Variants in ANKRD31 observed in about 807,000 individuals in gnomAD.
The protein encoded by ANKRD31 is ankyrin repeat domain 31.
A neutral mutation model predicts 186.0 loss-of-function variants in ANKRD31; 147 were observed. That is an observed-to-expected ratio of 0.79 (90% CI 0.69 to 0.91). The LOEUF (loss-of-function observed/expected upper bound fraction) is 0.91, where lower values mean the gene tolerates loss of function less well. Among genes scored for constraint, ANKRD31 ranks in the 40% least tolerant of loss-of-function variants. The probability of loss-of-function intolerance (pLI) is 0.00; values close to 1 mark genes in which losing one functional copy is unlikely to be tolerated. For synonymous variants in ANKRD31, 673 were observed against 736.4 expected, an observed-to-expected ratio of 0.91 and a Z score of 1.39; for missense variants, 1,986 against 2,148.8, an observed-to-expected ratio of 0.92 and a Z score of 1.50.
intron 15 of ANKRD31, 93 bp downstream of exon 15, chr5:75,143,908 A>G (rs1210250607): frequency 2.5e-6 from 1 of 394,278 alleles, no homozygotes; most frequent in East Asian, 3.6e-5. Flanking sequence ...AAAAGAAACA[A>G]TATATCTGAA....
chr5:75,071,499 T>C (rs899816074), intron 25 of ANKRD31, among the ~76,000 whole-genome samples: 1 of 147,064 alleles, frequency 6.8e-6, no homozygotes, highest in African/African-American at 2.5e-5. Context: ...GCTGTTTTGT[T>C]TTTTTTTTTT....
intron 6 of ANKRD31, 150 bp from the exon 7 acceptor site, chr5:75,196,350 A>T: frequency 5.0e-6 from 3 of 596,668 alleles, no homozygotes; most frequent in Non-Finnish European, 7.8e-6. Context: ...TAAAGGGAAT[A>T]CTCTTTATTG....
chr5:75,090,855 A>T (rs990139151), intron 23 of ANKRD31, among the ~76,000 whole-genome samples: 3 of 152,182 alleles, frequency 2.0e-5, no homozygotes, highest in Non-Finnish European at 4.4e-5. Flanking sequence ...TATTTAGGAG[A>T]TTTTGCTTTA....
intron 10 of ANKRD31, among the ~76,000 whole-genome samples, chr5:75,176,618 A>G (rs1471582143): frequency 6.6e-6 from 1 of 152,188 alleles, no homozygotes; most frequent in East Asian, 1.9e-4. Flanking sequence ...TACCCAGACA[A>G]GCAGGGTCTG....
chr5:75,144,660 A>C (rs1447480571), intron 14 of ANKRD31, among the ~76,000 whole-genome samples: 1 of 152,156 alleles, frequency 6.6e-6, no homozygotes, highest in East Asian at 1.9e-4. Flanking sequence ...AAACCTAGGC[A>C]ATACCATTCA....
intron 3 of ANKRD31, among the ~76,000 whole-genome samples, chr5:75,212,342 G>A (rs1386913860): frequency 6.6e-6 from 1 of 152,164 alleles, no homozygotes; most frequent in East Asian, 1.9e-4. Flanking sequence ...GCAGGGCACA[G>A]TGGGTCACAC....
chr5:75,077,295 C>T (rs1744722745), intron 25 of ANKRD31, among the ~76,000 whole-genome samples: 1 of 152,046 alleles, frequency 6.6e-6, no homozygotes, highest in South Asian at 2.1e-4. Context: ...GGTCTCAAAC[C>T]CCTGGCCCCA....
intron 10 of ANKRD31, among the ~76,000 whole-genome samples, chr5:75,178,114 A>T (rs1340883289): frequency 6.6e-6 from 1 of 152,208 alleles, no homozygotes; most frequent in Admixed American, 6.5e-5. Context: ...CTTTAAACCA[A>T]CAAAGATCAA....
chr5:75,131,547 G>A (rs1220201770), intron 17 of ANKRD31, among the ~76,000 whole-genome samples: 1 of 152,204 alleles, frequency 6.6e-6, no homozygotes, highest in African/African-American at 2.4e-5. Flanking sequence ...ACAGCTCAAG[G>A]AAGGCTGCCT....
rs183680767 is a variant in ANKRD31, at chr5:75,234,662, T to G, written c.104+1921A>C. On this transcript the variant is annotated intron_variant, in intron 1 of 25. Transcript: ENST00000506364. ...CAGAGATATTTTCTAAGTGTATATA[T>G]GTTGGAAGACAGAGGTAACACTATT... 5.9e-4 allele frequency among the ~76,000 whole-genome samples: 90 copies of G among 152,366 alleles called. 1 individual carries two copies. The highest frequency in any genetic ancestry group is 2.1e-3 in the African/African-American group (86 of 41,584).
At chr5:75,223,362 T>C (rs1757421435) in intron 2 of ANKRD31, among the ~76,000 whole-genome samples, 1 of 152,192 alleles carries the variant, frequency 6.6e-6, no homozygotes, top group Non-Finnish European at 1.5e-5. Flanking sequence ...TCAATATGCA[T>C]AGAAAGTACA....
At chr5:75,145,001 T>A (rs1561473311) in intron 14 of ANKRD31, among the ~76,000 whole-genome samples, 1 of 152,158 alleles carries the variant, frequency 6.6e-6, no homozygotes, top group Non-Finnish European at 1.5e-5. Flanking sequence ...TCATCATCAC[T>A]GGTCATTAGA....
chr5:75,114,996 G>A (rs1295829852), intron 19 of ANKRD31, among the ~76,000 whole-genome samples: 4 of 152,160 alleles, frequency 2.6e-5, no homozygotes, highest in Admixed American at 6.5e-5. Context: ...CACACTACCT[G>A]ACTTCAAACT....
At chr5:75,172,723 C>A (rs1175419747) in intron 10 of ANKRD31, among the ~76,000 whole-genome samples, 1 of 152,020 alleles carries the variant, frequency 6.6e-6, no homozygotes, top group African/African-American at 2.4e-5. Context: ...CAATAACAGG[C>A]TCTGAAACTG....
chr5:75,159,992 A>G (rs1047722468), intron 11 of ANKRD31, among the ~76,000 whole-genome samples: 1 of 152,124 alleles, frequency 6.6e-6, no homozygotes, highest in Admixed American at 6.5e-5. Flanking sequence ...TAAAACAATG[A>G]TACCAGTTGG....
intron 20 of ANKRD31, among the ~76,000 whole-genome samples, chr5:75,112,301 C>A (rs1747852899): frequency 6.6e-6 from 1 of 152,054 alleles, no homozygotes; most frequent in African/African-American, 2.4e-5. Context: ...ATAAAATCAG[C>A]CTTTTAGCTA....
chr5:75,158,868 T>C (rs1752384926), intron 11 of ANKRD31, among the ~76,000 whole-genome samples: 1 of 151,844 alleles, frequency 6.6e-6, no homozygotes, highest in Non-Finnish European at 1.5e-5. Flanking sequence ...ATACACAGGA[T>C]AAAAAGCAGC....
intron 6 of ANKRD31, among the ~76,000 whole-genome samples, chr5:75,199,035 T>C (rs1755647408): frequency 6.6e-6 from 1 of 152,080 alleles, no homozygotes; most frequent in South Asian, 2.1e-4. Context: ...ACCCAGGGTC[T>C]ACAAAAAAAT....
chr5:75,208,326 C>T lies in ANKRD31; in HGVS notation c.327-1839G>A, dbSNP rs1229697554. Among the ~76,000 whole-genome samples the T allele has an allele frequency of 2.0e-5, 3 of 151,940 alleles. 1 individual carries two copies. The highest frequency in any genetic ancestry group is 4.2e-4 in the South Asian group (2 of 4,816). ...CAGAAAATAATACCCCAAAATACGA[C>T]GCTATGGCAAGCTGCGTACTCTGAA... On this transcript the variant is annotated intron_variant, in intron 4 of 25. Coordinates refer to ENST00000506364, the MANE Select transcript of ANKRD31 (RefSeq NM_001372053.1).
Sources: allele counts gnomAD v4.1 joint callset (sites outside exome capture counted in the v4.1 genomes callset), GRCh38; gene constraint gnomAD v4.1.1; transcripts MANE v1.5; gene names NCBI Gene and HGNC (gene_info 2026-07-23, HGNC 2026-07-21).